MSRA: variants seen among roughly 807,000 people sequenced by gnomAD.
MSRA encodes mitochondrial peptide methionine sulfoxide reductase.
A neutral mutation model predicts 31.3 loss-of-function variants in MSRA; 54 were observed. The ratio of observed to expected loss-of-function variants is 1.73; its 90% CI spans 1.39 to 2.17. MSRA has a LOEUF of 2.17. Ranked by LOEUF, MSRA falls within the 30% of genes most tolerant of loss-of-function variation. The pLI, the probability that MSRA is intolerant of heterozygous loss-of-function variation, is 0.00. For missense variants in MSRA, 507 were observed against 300.9 expected (o/e 1.69, Z -5.07); for synonymous variants, 169 against 116.5 (o/e 1.45, Z -2.90).
intron 5 of MSRA, among the ~76,000 whole-genome samples, chr8:10,407,768 C>A (rs956606273): frequency 2.4e-4 from 37 of 152,190 alleles, no homozygotes; most frequent in African/African-American, 8.2e-4. Context: ...GTCTAAACAC[C>A]CCAGCACCTG....
chr8:10,408,182 C>G (rs187603621), intron 5 of MSRA, among the ~76,000 whole-genome samples: 1 of 152,130 alleles, frequency 6.6e-6, no homozygotes, highest in Non-Finnish European at 1.5e-5. Flanking sequence ...GTGCAAAAAT[C>G]GGGCTTCTCA....
intron 5 of MSRA, among the ~76,000 whole-genome samples, chr8:10,377,135 A>G (rs541672274): frequency 2.6e-5 from 4 of 152,354 alleles, no homozygotes; most frequent in African/African-American, 7.2e-5. Context: ...GCTCTGTCCC[A>G]CTGAACGTAA....
intron 5 of MSRA, among the ~76,000 whole-genome samples, chr8:10,409,313 A>T (rs1288331814): frequency 3.9e-5 from 6 of 152,180 alleles, no homozygotes; most frequent in African/African-American, 1.4e-4. Context: ...CATTTCTCCG[A>T]TGACTAGTGA....
intron 2 of MSRA, among the ~76,000 whole-genome samples, chr8:10,242,413 G>T (rs778023890): frequency 6.6e-6 from 1 of 152,136 alleles, no homozygotes; most frequent in African/African-American, 2.4e-5. Flanking sequence ...TGCTTTTTGG[G>T]CTATAAGGTT....
chr8:10,373,982 G>A (rs1805619386), intron 5 of MSRA, among the ~76,000 whole-genome samples: 1 of 152,214 alleles, frequency 6.6e-6, no homozygotes, highest in Admixed American at 6.5e-5. Context: ...GCAGATGCAT[G>A]TCTCACTGCC....
chr8:10,072,435 C>G (rs1042802124), intron 1 of MSRA, among the ~76,000 whole-genome samples: 12 of 151,598 alleles, frequency 7.9e-5, no homozygotes, highest in African/African-American at 1.7e-4. Flanking sequence ...GGGTCTGTTT[C>G]TGGGTCCTTA....
chr8:10,350,324 A>G (rs986456308), intron 5 of MSRA, among the ~76,000 whole-genome samples: 1 of 152,228 alleles, frequency 6.6e-6, no homozygotes. Context: ...TGCACTAGCC[A>G]TGTTCCAAGT....
chr8:10,311,391 G>A (rs949061831), intron 4 of MSRA, among the ~76,000 whole-genome samples: 1 of 152,134 alleles, frequency 6.6e-6, no homozygotes, highest in Non-Finnish European at 1.5e-5. Flanking sequence ...AGCTTTGAGA[G>A]CCTTATTAAG....
intron 2 of MSRA, among the ~76,000 whole-genome samples, chr8:10,243,321 T>C (rs908828016): frequency 3.3e-5 from 5 of 152,196 alleles, no homozygotes; most frequent in Non-Finnish European, 7.3e-5. Context: ...TGGTCATTTA[T>C]GTGCAGTGAA....
At chr8:10,318,401 T>C (rs1801848638) in intron 4 of MSRA, among the ~76,000 whole-genome samples, 1 of 152,190 alleles carries the variant, frequency 6.6e-6, no homozygotes, top group South Asian at 2.1e-4. Flanking sequence ...CTCGTCCTGG[T>C]TATTCCTTGA....
intron 3 of MSRA, among the ~76,000 whole-genome samples, chr8:10,276,847 A>G (rs1311772431): frequency 6.6e-6 from 1 of 152,170 alleles, no homozygotes; most frequent in Non-Finnish European, 1.5e-5. Context: ...CGAGGTCTAC[A>G]TATGATTTAT....
chr8:10,233,785 T>A lies in MSRA; in HGVS notation c.212-11319T>A, dbSNP rs539842410. On this transcript the variant is annotated intron_variant, in intron 2 of 5. Coordinates refer to ENST00000317173, the MANE Select transcript of MSRA (RefSeq NM_012331.5). ...AAGCAATATTTGAGAATATAATAGC[T>A]GAAGACTTTTTAGAAATGAAGATGT... 4.6e-5 allele frequency among the ~76,000 whole-genome samples: 7 copies of A among 152,290 alleles called. No individual in the cohort carries two copies. The East Asian group carries it at 1.3e-3, about 29-fold the overall frequency.
chr8:10,074,139 G>C (rs1012119989), intron 1 of MSRA, among the ~76,000 whole-genome samples: 1 of 131,884 alleles, frequency 7.6e-6, no homozygotes, highest in Non-Finnish European at 1.5e-5. Context: ...CTGGAGTGCA[G>C]TGGTGCGATC....
At chr8:10,340,572 C>T (rs1585523756) in intron 5 of MSRA, among the ~76,000 whole-genome samples, 1 of 152,208 alleles carries the variant, frequency 6.6e-6, no homozygotes, top group East Asian at 1.9e-4. Flanking sequence ...AGGGCCTCGC[C>T]ATGTTGGCCA....
chr8:10,402,456 T>C (rs1220169263), intron 5 of MSRA, among the ~76,000 whole-genome samples: 1 of 152,210 alleles, frequency 6.6e-6, no homozygotes, highest in African/African-American at 2.4e-5. Context: ...ACCCACAGTT[T>C]TCCCTGGAGA....
intron 1 of MSRA, among the ~76,000 whole-genome samples, chr8:10,179,566 G>T (rs545700278): frequency 1.1e-4 from 17 of 152,304 alleles, no homozygotes; most frequent in Admixed American, 9.8e-4. Flanking sequence ...CTAATGTCTG[G>T]CAAGGTCTTG....
At chr8:10,210,810 T>C (rs1296985131) in intron 2 of MSRA, among the ~76,000 whole-genome samples, 3 of 151,942 alleles carry the variant, frequency 2.0e-5, no homozygotes, top group Non-Finnish European at 2.9e-5. Flanking sequence ...CTGAGCTCAC[T>C]GCAACCTCCA....
At chr8:10,142,715 A>G (rs1009951658) in intron 1 of MSRA, among the ~76,000 whole-genome samples, 1 of 152,168 alleles carries the variant, frequency 6.6e-6, no homozygotes, top group Non-Finnish European at 1.5e-5. Context: ...TGATGCTTAA[A>G]TGTAGTAGAT....
chr8:10,137,653 C>T (rs1802383100), intron 1 of MSRA, among the ~76,000 whole-genome samples: 1 of 152,138 alleles, frequency 6.6e-6, no homozygotes, highest in Non-Finnish European at 1.5e-5. Flanking sequence ...AAGTGGGAGA[C>T]CCCACTTCCT....
Sources: allele counts gnomAD v4.1 joint callset (sites outside exome capture counted in the v4.1 genomes callset), GRCh38; gene constraint gnomAD v4.1.1; transcripts MANE v1.5; gene names NCBI Gene and HGNC (gene_info 2026-07-23, HGNC 2026-07-21).